The following GRIP1 variants were observed in gnomAD, a reference collection of about 807,000 sequenced individuals.
The protein encoded by GRIP1 is glutamate receptor-interacting protein 1.
In GRIP1, 45 loss-of-function variants were observed where a neutral mutation model predicts 129.9. The ratio of observed to expected loss-of-function variants is 0.35; its 90% CI spans 0.27 to 0.44. GRIP1 has a LOEUF of 0.44. GRIP1 is among the 20% of genes least tolerant of loss of function. The pLI, the probability that GRIP1 is intolerant of heterozygous loss-of-function variation, is 1.00. For synonymous variants in GRIP1, 530 were observed against 520.8 expected, an observed-to-expected ratio of 1.02 and a Z score of -0.24; for missense variants, 1,196 against 1,396.8, an observed-to-expected ratio of 0.86 and a Z score of 2.29.
intron 7 of GRIP1, among the ~76,000 whole-genome samples, chr12:66,473,606 C>T (rs2059510889): frequency 6.6e-6 from 1 of 152,162 alleles, no homozygotes; most frequent in African/African-American, 2.4e-5. Context: ...GGTGGGTGCC[C>T]CTCTGGGACG....
chr12:66,482,817 A>G (rs2059842938), intron 7 of GRIP1, among the ~76,000 whole-genome samples: 1 of 152,222 alleles, frequency 6.6e-6, no homozygotes, highest in Admixed American at 6.5e-5. Context: ...GGAAGAAATA[A>G]TCAAGAGCCC....
chr12:66,453,031 G>A (rs897848304), intron 11 of GRIP1, among the ~76,000 whole-genome samples: 1 of 152,100 alleles, frequency 6.6e-6, no homozygotes, highest in Non-Finnish European at 1.5e-5. Flanking sequence ...TGCTCTAGTG[G>A]CCAATGTCTA....
chr12:66,559,503 TA>T (rs956722091), intron 2 of GRIP1, among the ~76,000 whole-genome samples: 1 of 151,976 alleles, frequency 6.6e-6, no homozygotes, highest in Non-Finnish European at 1.5e-5. Flanking sequence ...AAAATCAACA[TA>T]AAAAATCAGT....
chr12:66,771,255 C>T (rs958421741), intron 1 of GRIP1, among the ~76,000 whole-genome samples: 8 of 152,084 alleles, frequency 5.3e-5, no homozygotes, highest in African/African-American at 1.2e-4. Flanking sequence ...TTCTTAAATT[C>T]GTTTTTAATG....
chr12:66,478,682 G>GT (rs747153934), intron 7 of GRIP1, among the ~76,000 whole-genome samples: 1 of 147,834 alleles, frequency 6.8e-6, no homozygotes, highest in Non-Finnish European at 1.5e-5. Flanking sequence ...TATACACCAT[G>GT]GAATACTATG....
At chr12:66,619,969 A>G (rs1303158727) in intron 1 of GRIP1, among the ~76,000 whole-genome samples, 2 of 152,212 alleles carry the variant, frequency 1.3e-5, no homozygotes, top group Admixed American at 1.3e-4. Context: ...ACTCTTCTTT[A>G]GAAAACATTT....
In GRIP1 at chr12:66,734,393, TTTGA is replaced by T. The variant is rs1168290061; in HGVS notation, c.-420+69656_-420+69659del. Among the ~76,000 whole-genome samples, 3 of 152,310 alleles carry T rather than the reference TTTGA, an allele frequency of 2.0e-5. No individual in the cohort carries two copies. The East Asian group carries it at 5.8e-4, about 29-fold the overall frequency. Reference sequence around the variant, plus strand: ...GATCAGACCTCCAAATTGCTTTGCCTTTGATTGTCTGAAATTCAGGTCTATGAAC... The same window carrying T: ...GATCAGACCTCCAAATTGCTTTGCCTTTGTCTGAAATTCAGGTCTATGAAC... On this transcript the variant is annotated intron_variant, in intron 1 of 4. Transcript: ENST00000538373.
chr12:66,457,838 C>A (rs2059013920), intron 9 of GRIP1, among the ~76,000 whole-genome samples: 1 of 152,156 alleles, frequency 6.6e-6, no homozygotes, highest in Admixed American at 6.5e-5. Flanking sequence ...TTTGTATGAC[C>A]TTGGCCAGCT....
intron 1 of GRIP1, among the ~76,000 whole-genome samples, chr12:67,055,350 A>G (rs1297457154): frequency 6.7e-6 from 1 of 149,358 alleles, no homozygotes; most frequent in East Asian, 1.9e-4. Flanking sequence ...AACCTTGGGT[A>G]AGAGTACACC....
At chr12:66,494,666 A>C (rs891030881) in intron 7 of GRIP1, among the ~76,000 whole-genome samples, 3 of 152,088 alleles carry the variant, frequency 2.0e-5, no homozygotes, top group Non-Finnish European at 2.9e-5. Flanking sequence ...TGAAGCCAGG[A>C]GTTTGAGACC....
chr12:66,704,651 A>T (rs2035466824), intron 1 of GRIP1, among the ~76,000 whole-genome samples: 1 of 152,156 alleles, frequency 6.6e-6, no homozygotes, highest in African/African-American at 2.4e-5. Flanking sequence ...AAAGAGGTTA[A>T]CAGAGTATCA....
chr12:66,909,519 C>A (rs530464994), intron 1 of GRIP1, among the ~76,000 whole-genome samples: 1 of 152,228 alleles, frequency 6.6e-6, no homozygotes, highest in Non-Finnish European at 1.5e-5. Context: ...TATCAGCTCA[C>A]GTGGTCAGTT....
At chr12:66,582,177 C>A (rs1001392061) in intron 2 of GRIP1, among the ~76,000 whole-genome samples, 1 of 151,272 alleles carries the variant, frequency 6.6e-6, no homozygotes, top group Non-Finnish European at 1.5e-5. Context: ...TCAATAGATG[C>A]AGAAAAGGCC....
chr12:66,505,506 G>A (rs993217659), intron 7 of GRIP1, among the ~76,000 whole-genome samples: 5 of 152,076 alleles, frequency 3.3e-5, no homozygotes, highest in African/African-American at 1.2e-4. Context: ...ACTCATCCAC[G>A]CCTGCCTGGA....
At chr12:66,513,002 G>C (rs1165366571) in intron 7 of GRIP1, among the ~76,000 whole-genome samples, 2 of 152,124 alleles carry the variant, frequency 1.3e-5, no homozygotes, top group East Asian at 3.9e-4. Flanking sequence ...AAATGGTTAA[G>C]TAAATATAGA....
In GRIP1 at chr12:66,815,142, A is replaced by C. The variant is rs140893572; in HGVS notation, c.59-218215T>G. On this transcript the variant is annotated intron_variant, in intron 1 of 1. Transcript: ENST00000643019. ...TCATACAAATTTGTTTTGTTTAAGG[A>C]ATAAAGCAATTACTATGTAACTAGA... Among the ~76,000 whole-genome samples, 1,176 of 152,324 alleles carry C rather than the reference A, an allele frequency of 7.7e-3. 7 individuals carry two copies. Among genetic ancestry groups the C allele is most frequent in the Admixed American group, 0.011 (169 of 15,296 alleles).
chr12:66,973,919 C>CTTTTTTTTTTTTTTT (rs535699240), intron 1 of GRIP1, among the ~76,000 whole-genome samples: 2 of 121,356 alleles, frequency 1.6e-5, no homozygotes, highest in African/African-American at 3.0e-5. Flanking sequence ...CTTTTCTTTT[C>CTTTTTTTTTTTTTTT]TTTTTTTTTT....
intron 1 of GRIP1, among the ~76,000 whole-genome samples, chr12:66,913,146 C>T (rs1294150500): frequency 7.9e-5 from 12 of 152,156 alleles, no homozygotes; most frequent in Admixed American, 7.2e-4. Context: ...GTACCTGAAA[C>T]AAGTGCTTGA....
chr12:66,990,009 G>A (rs2042370367), intron 1 of GRIP1, among the ~76,000 whole-genome samples: 1 of 152,212 alleles, frequency 6.6e-6, no homozygotes, highest in East Asian at 1.9e-4. Flanking sequence ...AAGTGTTAAT[G>A]CTAGTTCTAA....
Sources: gnomAD v4.1 joint callset for allele counts (sites outside exome capture counted in the v4.1 genomes callset) on GRCh38, gnomAD v4.1.1 for gene constraint, MANE v1.5 for transcripts, NCBI Gene and HGNC (gene_info 2026-07-23, HGNC 2026-07-21) for gene names.